NUP35: variants seen among roughly 807,000 people sequenced by gnomAD.
NUP35 encodes nucleoporin 35.
In NUP35, 25 loss-of-function variants were observed where a neutral mutation model predicts 41.5. The observed-to-expected ratio is 0.60, with a 90% CI of 0.44 to 0.84. NUP35 has a LOEUF of 0.84. Ranked by LOEUF, NUP35 falls within the 40% of genes least tolerant of loss-of-function variation. NUP35 has a pLI of 0.00. For missense variants in NUP35, 396 were observed against 396.6 expected (o/e 1.00, Z 0.01); for synonymous variants, 149 against 130.7 (o/e 1.14, Z -0.96).
At position 183,157,510 on chromosome 2, in the gene NUP35, T is replaced by C. The variant is rs139250478; in HGVS notation, c.606T>C (p.His202=). The change falls in exon 6 of 9, where the codon CAT becomes CAC. Residue 202 remains histidine (H), a synonymous_variant. Coordinates refer to ENST00000295119, the MANE Select transcript of NUP35 (RefSeq NM_138285.5). ...CACAGTATGGGAATATCTTAAAACA[T>C]GTGGTAAGGCTTAATTTTTTTCAGT... The part of the protein sequence containing the change: ...QFAQYGNILK[H]VMSNTGNWMH... 1.2e-6 allele frequency: 2 copies of C among 1,602,698 alleles called. No homozygotes were observed. Among genetic ancestry groups the C allele is most frequent in the Non-Finnish European group, 1.7e-6 (2 of 1,170,082 alleles).
At chr2:183,142,942 A>C (rs2105581446) in intron 4 of NUP35, among the ~76,000 whole-genome samples, 1 of 151,896 alleles carries the variant, frequency 6.6e-6, no homozygotes, top group African/African-American at 2.4e-5. Flanking sequence ...GGGTCACGAG[A>C]TCAGGAGATC....
chr2:183,135,087 T>C (rs1684830228), intron 4 of NUP35, among the ~76,000 whole-genome samples: 1 of 152,156 alleles, frequency 6.6e-6, no homozygotes, highest in South Asian at 2.1e-4. Flanking sequence ...TGTGAATACA[T>C]TGGGCCCTTC....
At chr2:183,152,855 C>T (rs1685518207) in intron 5 of NUP35, among the ~76,000 whole-genome samples, 1 of 151,248 alleles carries the variant, frequency 6.6e-6, no homozygotes, top group South Asian at 2.1e-4. Flanking sequence ...TTACACTCTA[C>T]AAAAATATAA....
chr2:183,118,221 T>C (rs1326559890), intron 1 of NUP35: 1 of 152,210 alleles, frequency 6.6e-6, no homozygotes, highest in Non-Finnish European at 1.5e-5. Context: ...ATTTGACAGT[T>C]TATTTAGTGC....
upstream of NUP35, chr2:183,124,363 C>A (rs1700114114): frequency 6.2e-7 from 1 of 1,610,334 alleles, no homozygotes; most frequent in African/African-American, 1.3e-5. Context: ...TTACGCAACC[C>A]CATAAGGTAG....
At chr2:183,134,390 G>A (rs549074484) in intron 4 of NUP35, among the ~76,000 whole-genome samples, 2 of 152,206 alleles carry the variant, frequency 1.3e-5, no homozygotes, top group African/African-American at 4.8e-5. Flanking sequence ...AAAAAATTAA[G>A]CAGCAAAGGG....
chr2:183,136,107 A>G (rs1405067660), intron 4 of NUP35, among the ~76,000 whole-genome samples: 1 of 152,112 alleles, frequency 6.6e-6, no homozygotes, highest in Non-Finnish European at 1.5e-5. Flanking sequence ...TCTTCAAGGA[A>G]ACTTAGTCAT....
At chr2:183,121,559 C>T (rs571780433), upstream of NUP35, among the ~76,000 whole-genome samples, 7 of 152,030 alleles carry the variant, frequency 4.6e-5, no homozygotes, top group South Asian at 8.3e-4. Flanking sequence ...TAGGGCTGGG[C>T]GCGGTGGCTC....
At chr2:183,130,573 A>G (rs202146423) in intron 3 of NUP35, 28 bp downstream of exon 3, 173 of 1,603,792 alleles carry the variant, frequency 1.1e-4, no homozygotes, top group South Asian at 2.3e-4. Flanking sequence ...TTGATCCCCA[A>G]TGAACAACAT....
intron 4 of NUP35, among the ~76,000 whole-genome samples, chr2:183,144,139 A>G (rs1416679167): frequency 6.6e-6 from 1 of 152,242 alleles, no homozygotes; most frequent in Non-Finnish European, 1.5e-5. Context: ...AGCCAAAGGA[A>G]GACACATAGG....
chr2:183,123,803 T>A (rs1700102422), upstream of NUP35: 1 of 985,264 alleles, frequency 1.0e-6, no homozygotes, highest in African/African-American at 1.7e-5. Flanking sequence ...GCACGCAAGA[T>A]TCCGCGGTGT....
At chr2:183,129,603 T>G (rs1684624637) in intron 2 of NUP35, among the ~76,000 whole-genome samples, 1 of 152,242 alleles carries the variant, frequency 6.6e-6, no homozygotes, top group Non-Finnish European at 1.5e-5. Flanking sequence ...CCTGGCAGTA[T>G]GCTAATCATT....
intron 4 of NUP35, among the ~76,000 whole-genome samples, chr2:183,141,001 G>A (rs1685076273): frequency 6.6e-6 from 1 of 152,068 alleles, no homozygotes; most frequent in African/African-American, 2.4e-5. Context: ...TACCACAAAT[G>A]TATTGGCTTA....
intron 1 of NUP35, among the ~76,000 whole-genome samples, chr2:183,125,044 A>T (rs1684398863): frequency 6.6e-6 from 1 of 151,914 alleles, no homozygotes; most frequent in Non-Finnish European, 1.5e-5. Flanking sequence ...CATTTAATCA[A>T]CCGTGTGGTT....
intron 2 of NUP35, among the ~76,000 whole-genome samples, chr2:183,130,080 G>A (rs1339186951): frequency 6.6e-6 from 1 of 152,186 alleles, no homozygotes; most frequent in Non-Finnish European, 1.5e-5. Context: ...TAAATGTTAA[G>A]CGTTTTGTAG....
chr2:183,157,363 C>A, intron 5 of NUP35, 81 bp from the exon 6 acceptor site: 1 of 1,055,452 alleles, frequency 9.5e-7, no homozygotes, highest in African/African-American at 1.6e-5. Context: ...GGCCATTTAT[C>A]TTGAAACATT....
At chr2:183,136,452 T>C (rs1383388848) in intron 4 of NUP35, among the ~76,000 whole-genome samples, 1 of 152,220 alleles carries the variant, frequency 6.6e-6, no homozygotes, top group Non-Finnish European at 1.5e-5. Flanking sequence ...GTTATAGGAA[T>C]GAATGAGGTC....
chr2:183,132,060 A>G (rs921272062), intron 3 of NUP35, among the ~76,000 whole-genome samples: 8 of 151,860 alleles, frequency 5.3e-5, no homozygotes, highest in African/African-American at 1.2e-4. Context: ...GTCTTGCTCT[A>G]TCACCCAGAC....
intron 8 of NUP35, 136 bp downstream of exon 8, chr2:183,159,788 T>C: frequency 3.4e-6 from 2 of 591,070 alleles, no homozygotes; most frequent in South Asian, 6.4e-5. Context: ...ACCTTTACGC[T>C]TTAAAAGTTT....
Sources: gnomAD v4.1 joint callset for allele counts (sites outside exome capture counted in the v4.1 genomes callset) on GRCh38, gnomAD v4.1.1 for gene constraint, MANE v1.5 for transcripts, NCBI Gene and HGNC (gene_info 2026-07-23, HGNC 2026-07-21) for gene names.